Variants in ZBTB20 observed in about 807,000 individuals in gnomAD.
ZBTB20 encodes the protein zinc finger and BTB domain-containing protein 20.
A neutral mutation model predicts 56.9 loss-of-function variants in ZBTB20; 9 were observed. That is an observed-to-expected ratio of 0.16 (90% CI 0.10 to 0.28). The LOEUF (loss-of-function observed/expected upper bound fraction) is 0.28, where lower values mean the gene tolerates loss of function less well. Ranked by LOEUF, ZBTB20 falls within the 10% of genes least tolerant of loss-of-function variation. ZBTB20 has a pLI of 1.00. For missense variants in ZBTB20, 655 were observed against 1,003.0 expected, an observed-to-expected ratio of 0.65 and a Z score of 4.69; for synonymous variants, 417 against 420.7, an observed-to-expected ratio of 0.99 and a Z score of 0.11.
At chr3:114,500,144 C>G (rs2043777090) in intron 7 of ZBTB20, among the ~76,000 whole-genome samples, 1 of 152,218 alleles carries the variant, frequency 6.6e-6, no homozygotes, top group Non-Finnish European at 1.5e-5. Flanking sequence ...AGTACAGTAT[C>G]TGGGCCACTG....
At chr3:114,628,860 G>C (rs115744529) in intron 6 of ZBTB20, among the ~76,000 whole-genome samples, 16,039 of 152,078 alleles carry the variant, frequency 0.11, 1,061 homozygotes, top group African/African-American at 0.18. Context: ...GGTTTTGATA[G>C]ACTGTTAACA....
chr3:114,924,310 C>A (rs546219466), intron 3 of ZBTB20, among the ~76,000 whole-genome samples: 1 of 152,234 alleles, frequency 6.6e-6, no homozygotes, highest in Admixed American at 6.5e-5. Flanking sequence ...ACCTAAGTAT[C>A]CATCAATGGG....
At chr3:114,481,848 A>G (rs1337674875) in intron 7 of ZBTB20, among the ~76,000 whole-genome samples, 1 of 152,212 alleles carries the variant, frequency 6.6e-6, no homozygotes, top group Non-Finnish European at 1.5e-5. Flanking sequence ...CAGAGGGAGT[A>G]AACCACAAAG....
intron 4 of ZBTB20, among the ~76,000 whole-genome samples, chr3:114,876,731 T>C (rs2107565924): frequency 6.6e-6 from 1 of 152,330 alleles, no homozygotes; most frequent in African/African-American, 2.4e-5. Flanking sequence ...AAGAGAATTC[T>C]GCAACTCTGC....
At chr3:114,361,691 G>A (rs1203658599) in intron 10 of ZBTB20, among the ~76,000 whole-genome samples, 1 of 152,162 alleles carries the variant, frequency 6.6e-6, no homozygotes, top group Non-Finnish European at 1.5e-5. Context: ...TGATGCTTTG[G>A]AGTTAGAGAA....
intron 5 of ZBTB20, among the ~76,000 whole-genome samples, chr3:114,740,158 G>A (rs1445713902): frequency 6.6e-6 from 1 of 152,038 alleles, no homozygotes; most frequent in African/African-American, 2.4e-5. Flanking sequence ...ATAGACATGA[G>A]AAATAAAATA....
chr3:114,461,989 T>C (rs1304642457), intron 7 of ZBTB20, among the ~76,000 whole-genome samples: 1 of 152,258 alleles, frequency 6.6e-6, no homozygotes, highest in Non-Finnish European at 1.5e-5. Flanking sequence ...CTTTAGATTA[T>C]GTTCTTAGTC....
At chr3:114,970,511 T>G (rs1489584326) in intron 3 of ZBTB20, among the ~76,000 whole-genome samples, 3 of 152,194 alleles carry the variant, frequency 2.0e-5, no homozygotes, top group East Asian at 1.9e-4. Flanking sequence ...CTTGCTTCAT[T>G]TATTAGTGTG....
intron 10 of ZBTB20, among the ~76,000 whole-genome samples, chr3:114,354,153 A>G (rs928871883): frequency 6.6e-6 from 1 of 152,146 alleles, no homozygotes; most frequent in Non-Finnish European, 1.5e-5. Context: ...TAAAGGACTT[A>G]TTTTTTTAGA....
At chr3:114,825,209 A>T (rs1490625909) in intron 4 of ZBTB20, among the ~76,000 whole-genome samples, 1 of 151,908 alleles carries the variant, frequency 6.6e-6, no homozygotes, top group Non-Finnish European at 1.5e-5. Flanking sequence ...TTACAGGTGG[A>T]AAGTCACTTC....
chr3:115,093,533 T>C (rs188914343), intron 1 of ZBTB20, among the ~76,000 whole-genome samples: 2 of 152,308 alleles, frequency 1.3e-5, no homozygotes, highest in East Asian at 3.9e-4. Flanking sequence ...AAAGTTCTTT[T>C]TGTTTTGTTT....
At chr3:114,345,281 CTGTG>C (rs200602150) in intron 11 of ZBTB20, among the ~76,000 whole-genome samples, 1 of 151,888 alleles carries the variant, frequency 6.6e-6, no homozygotes, top group Admixed American at 6.6e-5. Context: ...ATGTATGTCT[CTGTG>C]TGTGTGTGTT....
chr3:115,009,613 T>C (rs1300109517), intron 2 of ZBTB20, among the ~76,000 whole-genome samples: 2 of 151,954 alleles, frequency 1.3e-5, no homozygotes, highest in Admixed American at 6.6e-5. Flanking sequence ...AGTTCATGTG[T>C]TGGAAACTCA....
intron 7 of ZBTB20, among the ~76,000 whole-genome samples, chr3:114,464,100 G>A (rs950771846): frequency 5.3e-5 from 8 of 151,984 alleles, no homozygotes; most frequent in Non-Finnish European, 1.0e-4. Flanking sequence ...CAAATTTCCC[G>A]CTGCCTTCAG....
At chr3:114,552,846 T>A (rs2050746954) in intron 6 of ZBTB20, among the ~76,000 whole-genome samples, 1 of 152,228 alleles carries the variant, frequency 6.6e-6, no homozygotes, top group Non-Finnish European at 1.5e-5. Flanking sequence ...AGCTTCAAAT[T>A]TGTGATACAT....
rs191834652 is a variant in ZBTB20, at chr3:114,916,215, T to C, written c.-455-15873A>G. On this transcript the variant is annotated intron_variant, in intron 3 of 11. Transcript: ENST00000675478. The stretch of plus-strand genomic sequence containing the variant: ...TGTTAAGCTCTGATAATATTTGCTT[T>C]ATATATCTGGGTGCTCCAGTGTTGG... 1.6e-3 allele frequency among the ~76,000 whole-genome samples: 250 copies of C among 152,208 alleles called. 1 individual carries two copies. The highest frequency in any genetic ancestry group is 9.3e-4 in the Non-Finnish European group (63 of 67,964).
At chr3:115,120,102 G>A (rs1438177452) in intron 1 of ZBTB20, among the ~76,000 whole-genome samples, 1 of 152,142 alleles carries the variant, frequency 6.6e-6, no homozygotes, top group South Asian at 2.1e-4. Context: ...ATAATGGTGG[G>A]TACATAATAT....
intron 3 of ZBTB20, among the ~76,000 whole-genome samples, chr3:114,919,295 G>A (rs1347879441): frequency 1.3e-5 from 2 of 152,066 alleles, no homozygotes; most frequent in Non-Finnish European, 2.9e-5. Context: ...TGTTATATAT[G>A]CCTCAAGGTG....
In ZBTB20 at chr3:114,435,525, C is replaced by G. The variant is rs182228639; in HGVS notation, c.-254-46420G>C. Among the ~76,000 whole-genome samples the G allele has an allele frequency of 1.1e-3, 161 of 152,300 alleles. 1 individual carries two copies. Among genetic ancestry groups the G allele is most frequent in the South Asian group, 2.3e-3 (11 of 4,822 alleles). ...AGTAGGACACAAAGCCTGTGCTCCT[C>G]ACCATGCCTTGCCAGGCCAGACTTC... On this transcript the variant is annotated intron_variant, in intron 7 of 11. Transcript: ENST00000675478.
Sources: allele counts gnomAD v4.1 joint callset (sites outside exome capture counted in the v4.1 genomes callset), GRCh38; gene constraint gnomAD v4.1.1; transcripts MANE v1.5; gene names NCBI Gene and HGNC (gene_info 2026-07-23, HGNC 2026-07-21).